The following ZC3H6 variants were observed in gnomAD, a reference collection of about 807,000 sequenced individuals.
ZC3H6 encodes zinc finger CCCH domain-containing protein 6.
Under a neutral mutation model 107.7 loss-of-function variants are expected in ZC3H6, and 40 were observed. The observed-to-expected ratio is 0.37, with a 90% CI of 0.29 to 0.48. ZC3H6 has a LOEUF of 0.48. Among genes scored for constraint, ZC3H6 ranks in the 20% least tolerant of loss-of-function variants. The pLI, the probability that ZC3H6 is intolerant of heterozygous loss-of-function variation, is 0.98. For missense variants in ZC3H6, 1,267 were observed against 1,410.4 expected, an observed-to-expected ratio of 0.90 and a Z score of 1.63; for synonymous variants, 493 against 487.9, an observed-to-expected ratio of 1.01 and a Z score of -0.14.
chr2:112,327,960 G>T (rs1022226772), intron 11 of ZC3H6, among the ~76,000 whole-genome samples: 1 of 152,028 alleles, frequency 6.6e-6, no homozygotes, highest in African/African-American at 2.4e-5. Flanking sequence ...TGCGATCTCG[G>T]CTCACCACAA....
At chr2:112,324,938 T>C in intron 10 of ZC3H6, 26 bp from the exon 11 acceptor site, 1 of 1,566,704 alleles carries the variant, frequency 6.4e-7, no homozygotes, top group Non-Finnish European at 8.7e-7. Context: ...ACTCAATGAC[T>C]GTCTCTCCCC....
chr2:112,323,009 A>T, intron 9 of ZC3H6, 107 bp downstream of exon 9: 1 of 1,227,096 alleles, frequency 8.1e-7, no homozygotes, highest in Non-Finnish European at 1.1e-6. Context: ...TTGGTTAGAG[A>T]TAGCACATAT....
chr2:112,324,293 G>A lies in ZC3H6; in HGVS notation c.1482G>A (p.Met494Ile), dbSNP rs189654831. ...CTCAGGGACACAGTAGTCCTGTGAT[G>A]CACCCAGGCTCCCCTGGACATCACC... ...NMSQGHSSPVMHPGSPGHHPC... is the reference protein window; with the variant it reads ...NMSQGHSSPVIHPGSPGHHPC... Residue 494 changes from methionine to isoleucine, a missense_variant, in exon 10 of 12, where the codon ATG (methionine) becomes ATA (isoleucine). Met to Ile is a conservative substitution (Grantham distance 10). Coordinates refer to ENST00000409871, the MANE Select transcript of ZC3H6 (RefSeq NM_198581.3). 1 of 1,613,958 alleles carries A rather than the reference G, an allele frequency of 6.2e-7. No individual in the cohort carries two copies. The highest frequency in any genetic ancestry group is 8.5e-7 in the Non-Finnish European group (1 of 1,179,858).
chr2:112,276,358 C>G (rs1042794512), intron 1 of ZC3H6, among the ~76,000 whole-genome samples: 1 of 151,596 alleles, frequency 6.6e-6, no homozygotes, highest in African/African-American at 2.4e-5. Context: ...CTGCTTCTGC[C>G]CGTCCAGGTG....
intron 1 of ZC3H6, among the ~76,000 whole-genome samples, chr2:112,290,139 T>A (rs1676082559): frequency 6.6e-6 from 1 of 152,260 alleles, no homozygotes. Context: ...TAGTGTCTTA[T>A]AACTCCAAAT....
chr2:112,294,568 A>G (rs1460114533), intron 1 of ZC3H6, among the ~76,000 whole-genome samples: 1 of 152,168 alleles, frequency 6.6e-6, no homozygotes, highest in Non-Finnish European at 1.5e-5. Flanking sequence ...AGTCTTTTAT[A>G]GAGGCTTTTG....
intron 1 of ZC3H6, among the ~76,000 whole-genome samples, chr2:112,278,979 A>T (rs1375744231): frequency 1.3e-5 from 2 of 152,176 alleles, no homozygotes; most frequent in Non-Finnish European, 2.9e-5. Context: ...GAATAATTTA[A>T]AAAAAATCCA....
intron 1 of ZC3H6, among the ~76,000 whole-genome samples, chr2:112,290,072 C>T (rs1429078581): frequency 6.6e-6 from 1 of 152,114 alleles, no homozygotes. Flanking sequence ...AAAGTTTGGA[C>T]TAATGTTCTT....
At chr2:112,323,714 CTGAA>C (rs1216046486) in intron 9 of ZC3H6, among the ~76,000 whole-genome samples, 3 of 152,114 alleles carry the variant, frequency 2.0e-5, no homozygotes, top group Admixed American at 2.0e-4. Flanking sequence ...CATTCAAAAA[CTGAA>C]TGTCTTTTTA....
At chr2:112,305,473 A>T (rs1676457759) in intron 3 of ZC3H6, among the ~76,000 whole-genome samples, 1 of 152,200 alleles carries the variant, frequency 6.6e-6, no homozygotes, top group African/African-American at 2.4e-5. Context: ...AACATTATGC[A>T]GTTATTTATT....
At chr2:112,314,145 C>T (rs536831093) in intron 5 of ZC3H6, among the ~76,000 whole-genome samples, 3 of 151,786 alleles carry the variant, frequency 2.0e-5, no homozygotes, top group Non-Finnish European at 4.4e-5. Flanking sequence ...CAGTAGGTAG[C>T]TTGGTTTTTT....
At position 112,310,136 on chromosome 2, in the gene ZC3H6, A is replaced by C; in HGVS notation, c.588A>C (p.Lys196Asn). The change falls in exon 4 of 12, where the codon AAA becomes AAC. Residue 196 changes from lysine (K) to asparagine (N), a missense_variant. By Grantham distance (94) the Lys-to-Asn change is moderately conservative. Coordinates refer to ENST00000409871, the MANE Select transcript of ZC3H6 (RefSeq NM_198581.3). The part of the protein sequence containing the change: ...GSSFSKESGK[K>N]QRMKGVQQGI... ...CATTTTCTAAAGAATCAGGAAAAAA[A>C]CAGAGAATGAAAGGAGTTCAGCAAG... 1 of 1,613,214 alleles carries C rather than the reference A, an allele frequency of 6.2e-7. No homozygotes were observed. Among genetic ancestry groups the C allele is most frequent in the Non-Finnish European group, 8.5e-7 (1 of 1,179,562 alleles).
chr2:112,306,071 G>C (rs1442222914), intron 3 of ZC3H6, among the ~76,000 whole-genome samples: 1 of 151,874 alleles, frequency 6.6e-6, no homozygotes, highest in Non-Finnish European at 1.5e-5. Flanking sequence ...AATCTTCTAA[G>C]TCATTTTTAT....
At position 112,324,210 on chromosome 2, in the gene ZC3H6, C is replaced by A; in HGVS notation, c.1399C>A (p.Pro467Thr). 1 of 1,604,332 alleles carries A rather than the reference C, an allele frequency of 6.2e-7. No individual in the cohort carries two copies. Among genetic ancestry groups the A allele is most frequent in the Non-Finnish European group, 8.5e-7 (1 of 1,171,678 alleles). Residue 467 changes from proline to threonine, a missense_variant, in exon 10 of 12, where the codon CCA becomes ACA. Coordinates refer to ENST00000409871, the MANE Select transcript of ZC3H6 (RefSeq NM_198581.3). Reference protein sequence around the residue: ...PPGPQFQGSSPHPQHIYSSGS... With the variant: ...PPGPQFQGSSTHPQHIYSSGS... Reference sequence around the variant, plus strand: ...AGGACCACAATTTCAGGGAAGCAGTCCACACCCTCAACATATCTATAGTTC... The same window carrying A: ...AGGACCACAATTTCAGGGAAGCAGTACACACCCTCAACATATCTATAGTTC...
At chr2:112,295,088 T>C (rs147807255) in intron 1 of ZC3H6, among the ~76,000 whole-genome samples, 3 of 152,242 alleles carry the variant, frequency 2.0e-5, no homozygotes, top group African/African-American at 7.2e-5. Context: ...TCCCTATTTT[T>C]CCCTCTAATC....
intron 1 of ZC3H6, among the ~76,000 whole-genome samples, chr2:112,278,541 ACTC>A (rs1328846796): frequency 1.3e-5 from 2 of 151,746 alleles, no homozygotes; most frequent in Non-Finnish European, 2.9e-5. Context: ...CTGGTCTTGA[ACTC>A]CTGACCTCAA....
intron 4 of ZC3H6, 65 bp downstream of exon 4, chr2:112,310,226 TA>T: frequency 6.8e-7 from 1 of 1,479,634 alleles, no homozygotes; most frequent in Non-Finnish European, 9.0e-7. Context: ...AGCTATGGAG[TA>T]AAAACTTAGA....
chr2:112,294,353 G>A (rs1558948429), intron 1 of ZC3H6, among the ~76,000 whole-genome samples: 1 of 152,184 alleles, frequency 6.6e-6, no homozygotes, highest in African/African-American at 2.4e-5. Flanking sequence ...AAACATCTAG[G>A]AAATTTTGTT....
chr2:112,333,364 G>A lies in ZC3H6; in HGVS notation c.*876G>A, dbSNP rs539341813. On this transcript the variant is annotated 3_prime_UTR_variant, in exon 12 of 12. Transcript: ENST00000409871. ...CAAAATTTTTAAAGACCCAGTGAGA[G>A]TCTGTAGTGATTATTACACGGATAA... 6.6e-6 allele frequency: 1 copy of A among 152,646 alleles called. No individual in the cohort carries two copies. Among genetic ancestry groups the A allele is most frequent in the East Asian group, 1.9e-4 (1 of 5,188 alleles). 9.5% of individuals were successfully genotyped at this position (152,646 alleles called of 1,614,324 possible).
Sources: allele counts gnomAD v4.1 joint callset (sites outside exome capture counted in the v4.1 genomes callset), GRCh38; gene constraint gnomAD v4.1.1; transcripts MANE v1.5; gene names NCBI Gene and HGNC (gene_info 2026-07-23, HGNC 2026-07-21).